Variants in SLC9A7 observed in about 807,000 individuals in gnomAD.
SLC9A7 encodes solute carrier family 9 member A7, also known as sodium/hydrogen exchanger 7.
Under a neutral mutation model 52.6 loss-of-function variants are expected in SLC9A7, and 19 were observed. The observed-to-expected ratio is 0.36, with a 90% CI of 0.25 to 0.53. SLC9A7 has a LOEUF of 0.53. SLC9A7 is among the 20% of genes least tolerant of loss of function. The probability of loss-of-function intolerance (pLI) is 0.91; values close to 1 mark genes in which losing one functional copy is unlikely to be tolerated. For synonymous variants in SLC9A7, 226 were observed against 252.1 expected, an observed-to-expected ratio of 0.90 and a Z score of 0.98; for missense variants, 455 against 597.9, an observed-to-expected ratio of 0.76 and a Z score of 2.49.
intron 12 of SLC9A7, among the ~76,000 whole-genome samples, chrX:46,640,221 T>C (rs186536028): frequency 1.8e-5 from 2 of 112,166 alleles, no homozygotes; most frequent in African/African-American, 6.5e-5. Flanking sequence ...GATAGACACA[T>C]AAACCAATAG....
intron 1 of SLC9A7, among the ~76,000 whole-genome samples, chrX:46,736,032 T>C (rs1207329567): frequency 8.9e-6 from 1 of 111,797 alleles, no homozygotes; most frequent in Non-Finnish European, 1.9e-5. Flanking sequence ...TGGTTTGGCA[T>C]CTGTCACTAA....
chrX:46,631,775 TA>T, intron 13 of SLC9A7, 126 bp from the exon 14 acceptor site: 1 of 506,641 alleles, frequency 2.0e-6, no homozygotes, highest in African/African-American at 2.3e-5. Context: ...AGTGGTTAGC[TA>T]AAAGGTGAGG....
intron 13 of SLC9A7, among the ~76,000 whole-genome samples, chrX:46,633,336 TAAAAAAAAAAAAAAAAAAAAAAA>T (rs397836432): frequency 0.014 from 113 of 8,122 alleles, 4 homozygotes; most frequent in Non-Finnish European, 0.017. Context: ...TTGCTGCTGC[TAAAAAAAAAAAAAAAAAAAAAAA>T]AAAAAAAAAA....
chrX:46,694,594 T>C, intron 1 of SLC9A7, among the ~76,000 whole-genome samples: 1 of 111,812 alleles, frequency 8.9e-6, no homozygotes, highest in Non-Finnish European at 1.9e-5. Context: ...TACTAACATA[T>C]GTTGGAGAGC....
chrX:46,679,196 G>A (rs769444000), intron 3 of SLC9A7, among the ~76,000 whole-genome samples: 2 of 112,440 alleles, frequency 1.8e-5, no homozygotes, highest in South Asian at 7.3e-4. Flanking sequence ...AAGGTTGTTG[G>A]GTGTATCAAT....
At chrX:46,689,866 C>T (rs1379679146) in intron 1 of SLC9A7, among the ~76,000 whole-genome samples, 1 of 110,774 alleles carries the variant, frequency 9.0e-6, no homozygotes, top group African/African-American at 3.3e-5. Flanking sequence ...TGAGAACATG[C>T]GGTATTTGGT....
At chrX:46,742,078 T>C (rs757188092) in intron 1 of SLC9A7, among the ~76,000 whole-genome samples, 278 of 111,763 alleles carry the variant, frequency 2.5e-3, no homozygotes, top group Non-Finnish European at 3.2e-3. Context: ...AATGAGATAC[T>C]GCTATTCATC....
At position 46,710,020 on chromosome X, in the gene SLC9A7, G is replaced by A. The variant is rs906651283; in HGVS notation, c.326-27485C>T. Among the ~76,000 whole-genome samples, 3 of 112,451 alleles carry A rather than the reference G, an allele frequency of 2.7e-5. No homozygotes were observed. In the Admixed American group the frequency reaches 2.8e-4, roughly 11 times the overall value. Reference sequence around the variant, plus strand: ...AATACATTTATCTCCAGGGAGAAAGGGAGGCCGGTTTTTCAGTTTGCCTTC... The same window carrying A: ...AATACATTTATCTCCAGGGAGAAAGAGAGGCCGGTTTTTCAGTTTGCCTTC... On this transcript the variant is annotated intron_variant, in intron 1 of 16. Transcript: ENST00000616978.
At chrX:46,620,506 A>C (rs1259316672) in intron 15 of SLC9A7, among the ~76,000 whole-genome samples, 1 of 111,986 alleles carries the variant, frequency 8.9e-6, no homozygotes, top group African/African-American at 3.2e-5. Context: ...CTTGAGACCA[A>C]GTGAATCTAC....
intron 16 of SLC9A7, among the ~76,000 whole-genome samples, chrX:46,608,712 C>T (rs1439414873): frequency 8.9e-6 from 1 of 111,826 alleles, no homozygotes; most frequent in Non-Finnish European, 1.9e-5. Context: ...ATGGTGCAAT[C>T]TTGGCTCTCT....
chrX:46,726,613 T>A (rs1331612759), intron 1 of SLC9A7, among the ~76,000 whole-genome samples: 3 of 111,907 alleles, frequency 2.7e-5, no homozygotes, highest in African/African-American at 9.7e-5. Flanking sequence ...AAGGTGTCAG[T>A]GCAGTGGCAC....
intron 4 of SLC9A7, among the ~76,000 whole-genome samples, chrX:46,670,198 T>C (rs984175094): frequency 2.7e-4 from 30 of 112,183 alleles, no homozygotes; most frequent in African/African-American, 9.4e-4. Flanking sequence ...GGATCTTGCC[T>C]TCTCTGCCAA....
At position 46,605,086 on chromosome X, in the gene SLC9A7, G is replaced by A. The variant is rs960881919; in HGVS notation, c.*1866C>T. ...CGTGCCTGTAATCCCAGCTACTCAG[G>A]AGGCGGAGGCAAGAGAATCGCTTGA... On this transcript the variant is annotated 3_prime_UTR_variant, in exon 17 of 17. Coordinates refer to ENST00000616978, the MANE Select transcript of SLC9A7 (RefSeq NM_001257291.2). The A allele has an allele frequency of 9.2e-6, 1 of 108,327 alleles. No individual in the cohort carries two copies. Among genetic ancestry groups the A allele is most frequent in the Non-Finnish European group, 1.9e-5 (1 of 52,309 alleles). The allele number at this position is 108,327 out of a possible 1,213,427, so 8.9% of individuals were successfully genotyped here.
intron 1 of SLC9A7, among the ~76,000 whole-genome samples, chrX:46,754,761 A>G (rs1198739111): frequency 1.8e-5 from 2 of 112,051 alleles, no homozygotes; most frequent in African/African-American, 6.5e-5. Flanking sequence ...TTGGATCCAT[A>G]TCAGTTGTCA....
At position 46,758,704 on chromosome X, in the gene SLC9A7, C is replaced by A; in HGVS notation, c.325+1G>T. ...GCGGGGGGTGTAACAGGGGTGCTCACCATAGATCATGGCCAGCCCGGTCTC... is the reference window on the plus strand; with the variant it reads ...GCGGGGGGTGTAACAGGGGTGCTCAACATAGATCATGGCCAGCCCGGTCTC... On this transcript the variant is annotated splice_donor_variant, in intron 1 of 16. Transcript: ENST00000616978. LOFTEE classifies it high-confidence loss of function. The A allele has an allele frequency of 8.6e-7, 1 of 1,161,928 alleles. No homozygotes were observed. The highest frequency in any genetic ancestry group is 1.2e-6 in the Non-Finnish European group (1 of 867,750).
At chrX:46,637,170 C>T (rs1251918475) in intron 12 of SLC9A7, among the ~76,000 whole-genome samples, 1 of 111,868 alleles carries the variant, frequency 8.9e-6, no homozygotes, top group Non-Finnish European at 1.9e-5. Flanking sequence ...ATTTTATCCT[C>T]ACACTATGAC....
At chrX:46,637,448 A>G (rs1415353038) in intron 12 of SLC9A7, among the ~76,000 whole-genome samples, 2 of 112,653 alleles carry the variant, frequency 1.8e-5, no homozygotes, top group Non-Finnish European at 3.8e-5. Flanking sequence ...GAGCTTTATT[A>G]TAAATTCTCA....
chrX:46,666,945 C>T (rs771926180), intron 5 of SLC9A7, among the ~76,000 whole-genome samples: 7 of 111,950 alleles, frequency 6.3e-5, no homozygotes, highest in Non-Finnish European at 1.3e-4. Context: ...CAGTCACAGA[C>T]AGCACAGGAT....
chrX:46,638,052 C>T (rs1460735923), intron 12 of SLC9A7, among the ~76,000 whole-genome samples: 1 of 111,593 alleles, frequency 9.0e-6, no homozygotes, highest in Non-Finnish European at 1.9e-5. Context: ...CTATCAGTAG[C>T]CTGGAGAAGT....
Sources: gnomAD v4.1 joint callset for allele counts (sites outside exome capture counted in the v4.1 genomes callset) on GRCh38, gnomAD v4.1.1 for gene constraint, MANE v1.5 for transcripts, NCBI Gene and HGNC (gene_info 2026-07-23, HGNC 2026-07-21) for gene names.